KCNH3: variants seen among roughly 807,000 people sequenced by gnomAD.
The protein encoded by KCNH3 is potassium voltage-gated channel subfamily H member 3.
In KCNH3, 36 loss-of-function variants were observed where a neutral mutation model predicts 95.6. The observed-to-expected ratio is 0.38, with a 90% CI of 0.29 to 0.50. KCNH3 has a LOEUF of 0.50. Among genes scored for constraint, KCNH3 ranks in the 20% least tolerant of loss-of-function variants. The pLI, the probability that KCNH3 is intolerant of heterozygous loss-of-function variation, is 0.95. For missense variants in KCNH3, 1,030 were observed against 1,484.1 expected, an observed-to-expected ratio of 0.69 and a Z score of 5.03; for synonymous variants, 620 against 646.3, an observed-to-expected ratio of 0.96 and a Z score of 0.62.
At chr12:49,542,447 A>C (rs1937902981) in intron 3 of KCNH3, among the ~76,000 whole-genome samples, 1 of 152,190 alleles carries the variant, frequency 6.6e-6, no homozygotes, top group Non-Finnish European at 1.5e-5. Flanking sequence ...TTCCCCGTAG[A>C]GATCCTCTGG....
intron 11 of KCNH3, 78 bp from the exon 12 acceptor site, chr12:49,555,542 A>G (rs1285724325): frequency 2.3e-6 from 2 of 865,480 alleles, no homozygotes; most frequent in Admixed American, 2.9e-5. Flanking sequence ...TCCAGGGTAG[A>G]TGAAGCCTTG....
intron 8 of KCNH3, 63 bp from the exon 9 acceptor site, chr12:49,549,377 GC>G: frequency 6.3e-7 from 1 of 1,574,984 alleles, no homozygotes. Flanking sequence ...GGACAGATGA[GC>G]CCAGCGTGGT....
At chr12:49,547,884 G>A (rs552080289) in intron 7 of KCNH3, among the ~76,000 whole-genome samples, 110 of 152,174 alleles carry the variant, frequency 7.2e-4, no homozygotes, top group African/African-American at 2.5e-3. Context: ...ATGGCCCCCA[G>A]CTCTGCCAGG....
intron 4 of KCNH3, 143 bp from the exon 5 acceptor site, chr12:49,543,132 A>G: frequency 1.1e-6 from 1 of 931,466 alleles, no homozygotes; most frequent in Non-Finnish European, 1.6e-6. Flanking sequence ...TATAAAATGG[A>G]GATGCTAATG....
At chr12:49,545,138 T>C (rs1938016712) in intron 7 of KCNH3, among the ~76,000 whole-genome samples, 1 of 152,082 alleles carries the variant, frequency 6.6e-6, no homozygotes, top group Non-Finnish European at 1.5e-5. Flanking sequence ...GCTGGCCTCC[T>C]CCCAGCTCCT....
intron 10 of KCNH3, 60 bp downstream of exon 10, chr12:49,550,389 CT>C: frequency 6.5e-7 from 1 of 1,530,970 alleles, no homozygotes; most frequent in Non-Finnish European, 8.8e-7. Context: ...TGGCCCTGAT[CT>C]GTGGAAAACC....
intron 2 of KCNH3, 55 bp from the exon 3 acceptor site, chr12:49,541,575 T>A (rs1209160426): frequency 4.4e-6 from 7 of 1,594,322 alleles, no homozygotes; most frequent in Non-Finnish European, 6.0e-6. Context: ...AGGGCCTCTG[T>A]CACCTCAGGC....
At position 49,555,710 on chromosome 12, in the gene KCNH3, C is replaced by A. The variant is rs1701243510; in HGVS notation, c.2227C>A (p.Pro743Thr). The A allele has an allele frequency of 6.2e-7, 1 of 1,612,562 alleles. No individual in the cohort carries two copies. Among genetic ancestry groups the A allele is most frequent in the South Asian group, 1.1e-5 (1 of 90,892 alleles). ...TGGGGAGCAGGGCCCCACGGTCTCC[C>A]CAGCCCCAGCTGATGAGCCCTCCAG... Reference protein sequence around the residue: ...TDGEQGPTVSPAPADEPSSPL... With the variant: ...TDGEQGPTVSTAPADEPSSPL... Residue 743 changes from proline to threonine, a missense_variant, in exon 12 of 15, where the codon CCA becomes ACA. This residue lies in a region of KCNH3 where 464 missense variants were observed against 493.2 expected (regional missense o/e 0.94). Coordinates refer to ENST00000257981, the MANE Select transcript of KCNH3 (RefSeq NM_012284.3).
At chr12:49,552,658 G>A (rs373138324) in intron 10 of KCNH3, among the ~76,000 whole-genome samples, 15 of 152,230 alleles carry the variant, frequency 9.9e-5, no homozygotes, top group Non-Finnish European at 1.9e-4. Flanking sequence ...CGCAAAGTCC[G>A]TTGTGAGGAA....
intron 10 of KCNH3, among the ~76,000 whole-genome samples, chr12:49,551,763 G>A (rs150949353): frequency 2.6e-5 from 4 of 152,100 alleles, no homozygotes; most frequent in African/African-American, 9.7e-5. Flanking sequence ...GGCAGCCAAG[G>A]CACGTGTAGA....
intron 7 of KCNH3, among the ~76,000 whole-genome samples, chr12:49,548,127 TGTGTGTGCGC>T (rs1461068796): frequency 7.4e-6 from 1 of 135,934 alleles, no homozygotes; most frequent in Non-Finnish European, 1.6e-5. Flanking sequence ...TGTGTGTGTG[TGTGTGTGCGC>T]GCGCACCTGT....
intron 7 of KCNH3, among the ~76,000 whole-genome samples, chr12:49,547,012 AGTCTCCCGAGTAGCTGGGAT>A (rs1246617745): frequency 0.013 from 2,008 of 152,304 alleles, 40 homozygotes; most frequent in African/African-American, 0.045. Context: ...CTTCTGCCTC[AGTCTCCCGAGTAGCTGGGAT>A]TACAGGCATG....
chr12:49,549,198 C>T (rs998059951), intron 8 of KCNH3, 25 bp downstream of exon 8: 3 of 1,561,840 alleles, frequency 1.9e-6, no homozygotes, highest in Admixed American at 1.8e-5. Flanking sequence ...GCGCGTCTTC[C>T]CGGGGCCACT....
chr12:49,542,949 G>A, intron 4 of KCNH3, 110 bp downstream of exon 4: 1 of 1,387,464 alleles, frequency 7.2e-7, no homozygotes, highest in Non-Finnish European at 9.6e-7. Flanking sequence ...CCCAGGCCTT[G>A]CCAGCACTTT....
Position 49,557,975 on chromosome 12 carries a change from G to C in KCNH3, c.*22G>C. ...CTGAGTACCAGCCCTAGAACTCAGC[G>C]TTGCCAGGTGTGCTGCCATCTGCTG... On this transcript the variant is annotated 3_prime_UTR_variant, in exon 15 of 15. Coordinates refer to ENST00000257981, the MANE Select transcript of KCNH3 (RefSeq NM_012284.3). 3 of 1,448,686 alleles carry C rather than the reference G, an allele frequency of 2.1e-6. No individual in the cohort carries two copies. In the South Asian group the frequency reaches 5.2e-5, roughly 25 times the overall value. The allele number at this position is 1,448,686 out of a possible 1,614,324, so 89.7% of individuals were successfully genotyped here.
chr12:49,552,086 G>A (rs1938283388), intron 10 of KCNH3, among the ~76,000 whole-genome samples: 1 of 152,226 alleles, frequency 6.6e-6, no homozygotes, highest in African/African-American at 2.4e-5. Flanking sequence ...AGTTATGCCA[G>A]TTAAGTGTAG....
chr12:49,555,871 C>A lies in KCNH3; in HGVS notation c.2388C>A (p.Gly796=), dbSNP rs1305539568. 6.8e-6 allele frequency: 11 copies of A among 1,607,886 alleles called. No homozygotes were observed. In the South Asian group the frequency reaches 1.1e-4, roughly 16 times the overall value. ...GRAGALKAEA[G]PSAPPRALEG... is the part of the protein sequence containing the mutation. ...CAGGGGCTTTGAAGGCTGAGGCTGG[C>A]CCCTCTGCTCCCCCACGGGCCCTAG... Residue 796 remains glycine (G), a synonymous_variant, in exon 12 of 15, where the codon GGC becomes GGA. Transcript: ENST00000257981.
Position 49,556,465 on chromosome 12 carries a change from C to A in KCNH3, c.2564C>A (p.Ser855Tyr). The part of the protein sequence containing the change: ...QSGPECSSSP[S>Y]PGPESGLLTV... ...GGCCCGGAATGTAGCAGCAGCCCCT[C>A]CCCTGGACCAGGTACCAGGGCCCCG... The change falls in exon 13 of 15, where the codon TCC (serine) becomes TAC (tyrosine). Residue 855 changes from serine (S) to tyrosine (Y), a missense_variant. Ser to Tyr is a moderately radical substitution (Grantham distance 144). Transcript: ENST00000257981. The A allele has an allele frequency of 6.2e-7, 1 of 1,613,250 alleles. No individual in the cohort carries two copies. Among genetic ancestry groups the A allele is most frequent in the Non-Finnish European group, 8.5e-7 (1 of 1,179,312 alleles).
In KCNH3 at chr12:49,557,807, G is replaced by A; in HGVS notation, c.3106G>A (p.Ala1036Thr). Residue 1036 changes from alanine (A) to threonine (T), a missense_variant, in exon 15 of 15, where the codon GCT becomes ACT. Transcript: ENST00000257981. ...TGGGCCCGCAGAGCCTGTGAGCCAGGCTGAGGCTACCAGCACTGGAGAGCC... is the reference window on the plus strand; with the variant it reads ...TGGGCCCGCAGAGCCTGTGAGCCAGACTGAGGCTACCAGCACTGGAGAGCC... ...RTGPAEPVSQ[A>T]EATSTGEPPP... 1 of 1,605,226 alleles carries A rather than the reference G, an allele frequency of 6.2e-7. No individual in the cohort carries two copies. The highest frequency in any genetic ancestry group is 8.5e-7 in the Non-Finnish European group (1 of 1,174,200).
Sources: gnomAD v4.1 joint callset for allele counts (sites outside exome capture counted in the v4.1 genomes callset) on GRCh38, gnomAD v4.1.1 for gene constraint, gnomAD v4.1.1 regional missense constraint, MANE v1.5 for transcripts, NCBI Gene and HGNC (gene_info 2026-07-23, HGNC 2026-07-21) for gene names.